The following GPC6 variants were observed in gnomAD, a reference collection of about 807,000 sequenced individuals.
The protein encoded by GPC6 is glypican 6.
GPC6 carries 14 observed loss-of-function variants against 55.2 expected under a neutral mutation model. The ratio of observed to expected loss-of-function variants is 0.25; its 90% CI spans 0.17 to 0.40. The LOEUF (loss-of-function observed/expected upper bound fraction) is 0.40. Ranked by LOEUF, GPC6 falls within the 10% of genes least tolerant of loss-of-function variation. The pLI, the probability that GPC6 is intolerant of heterozygous loss-of-function variation, is 1.00. For missense variants in GPC6, 641 were observed against 708.5 expected (o/e 0.90, Z 1.08); for synonymous variants, 278 against 259.6 (o/e 1.07, Z -0.68).
chr13:93,622,519 C>A (rs1879002543), intron 2 of GPC6, among the ~76,000 whole-genome samples: 1 of 152,180 alleles, frequency 6.6e-6, no homozygotes, highest in Admixed American at 6.5e-5. Context: ...CCCACACAGA[C>A]TTTTCCTCTT....
intron 2 of GPC6, among the ~76,000 whole-genome samples, chr13:93,566,026 G>A (rs1260477589): frequency 6.6e-6 from 1 of 152,034 alleles, no homozygotes; most frequent in African/African-American, 2.4e-5. Context: ...TATAGTGAGT[G>A]AATTACCTTT....
chr13:93,874,672 C>T (rs1014977902), intron 3 of GPC6, among the ~76,000 whole-genome samples: 1 of 150,914 alleles, frequency 6.6e-6, no homozygotes, highest in African/African-American at 2.4e-5. Flanking sequence ...ACTAGATAGA[C>T]TCTGATTCTG....
At position 94,072,542 on chromosome 13, in the gene GPC6, C is replaced by T. The variant is rs563822997; in HGVS notation, c.877+44648C>T. Among the ~76,000 whole-genome samples, 82 of 152,230 alleles carry T rather than the reference C, an allele frequency of 5.4e-4. No individual in the cohort carries two copies. The Middle Eastern group carries it at 0.01, about 19-fold the overall frequency. On this transcript the variant is annotated intron_variant, in intron 4 of 8. Coordinates refer to ENST00000377047, the MANE Select transcript of GPC6 (RefSeq NM_005708.5). ...CTAATTTTTGTATTCTTAGTAGAGA[C>T]GGGGTTTCACCATGTTGGCAAGAAT...
chr13:93,380,771 C>A (rs1407553910), intron 1 of GPC6, among the ~76,000 whole-genome samples: 2 of 152,040 alleles, frequency 1.3e-5, no homozygotes, highest in Non-Finnish European at 2.9e-5. Context: ...TGTCCTGTTC[C>A]CTCTTTATGT....
chr13:93,698,811 CCTCTTTCCTCCT>C (rs1339403937), intron 2 of GPC6, among the ~76,000 whole-genome samples: 1 of 151,916 alleles, frequency 6.6e-6, no homozygotes, highest in Non-Finnish European at 1.5e-5. Flanking sequence ...TCTCTCCTCC[CCTCTTTCCTCCT>C]CCTTCTTCCT....
chr13:93,866,362 A>G (rs576209663), intron 3 of GPC6, among the ~76,000 whole-genome samples: 15 of 151,872 alleles, frequency 9.9e-5, no homozygotes, highest in African/African-American at 3.6e-4. Flanking sequence ...GTCCAGAAAC[A>G]TGTATCTTTA....
chr13:94,384,342 C>T (rs998036014), intron 7 of GPC6, among the ~76,000 whole-genome samples: 1 of 152,280 alleles, frequency 6.6e-6, no homozygotes, highest in African/African-American at 2.4e-5. Context: ...TGTATTTTCC[C>T]GATGACTGTA....
chr13:93,662,483 TA>T (rs1880963763), intron 2 of GPC6, among the ~76,000 whole-genome samples: 1 of 151,852 alleles, frequency 6.6e-6, no homozygotes, highest in Admixed American at 6.6e-5. Context: ...ATACAAAAAG[TA>T]GCTGGGTGTG....
intron 6 of GPC6, among the ~76,000 whole-genome samples, chr13:94,371,576 G>T (rs940369056): frequency 3.3e-5 from 5 of 152,126 alleles, no homozygotes; most frequent in African/African-American, 4.8e-5. Context: ...TCGAATGCAC[G>T]TGAGGGCCTC....
intron 2 of GPC6, among the ~76,000 whole-genome samples, chr13:93,567,220 C>T (rs1310285422): frequency 1.3e-5 from 2 of 152,094 alleles, no homozygotes; most frequent in Non-Finnish European, 2.9e-5. Context: ...ACAATATGTG[C>T]TGTAATAGAC....
chr13:94,187,400 G>A (rs1889237036), intron 4 of GPC6: 1 of 152,182 alleles, frequency 6.6e-6, no homozygotes, highest in Admixed American at 6.5e-5. Context: ...AGAACGATGA[G>A]TCAGAAGGTA....
At chr13:94,385,615 C>T (rs891688869) in intron 7 of GPC6, among the ~76,000 whole-genome samples, 3 of 151,596 alleles carry the variant, frequency 2.0e-5, no homozygotes, top group African/African-American at 7.3e-5. Context: ...ATTACAATTC[C>T]ATGGTTTCCT....
intron 2 of GPC6, among the ~76,000 whole-genome samples, chr13:93,791,309 C>T (rs559341481): frequency 2.6e-5 from 4 of 152,290 alleles, no homozygotes; most frequent in Admixed American, 2.0e-4. Context: ...TAAAAAACTG[C>T]AGTGCAAGAA....
chr13:93,580,576 G>A (rs992687729), intron 2 of GPC6, among the ~76,000 whole-genome samples: 5 of 152,002 alleles, frequency 3.3e-5, no homozygotes, highest in Admixed American at 2.6e-4. Context: ...CACGTGCTAT[G>A]GATACATCTG....
chr13:93,521,929 A>T (rs976214010), intron 1 of GPC6, among the ~76,000 whole-genome samples: 1 of 152,006 alleles, frequency 6.6e-6, no homozygotes, highest in Non-Finnish European at 1.5e-5. Context: ...CTAATTTGTT[A>T]ATCTTTTCTA....
intron 1 of GPC6, among the ~76,000 whole-genome samples, chr13:93,303,325 G>A (rs1878743223): frequency 6.6e-6 from 1 of 152,112 alleles, no homozygotes; most frequent in Non-Finnish European, 1.5e-5. Flanking sequence ...TCGGACTTTG[G>A]TTTCCTTAAG....
chr13:93,826,093 C>G (rs938290945), intron 2 of GPC6, among the ~76,000 whole-genome samples: 1 of 151,928 alleles, frequency 6.6e-6, no homozygotes. Context: ...CTCCTGACCT[C>G]AGGTGATCTG....
chr13:94,354,638 C>A (rs189277317), intron 6 of GPC6, among the ~76,000 whole-genome samples: 1 of 152,200 alleles, frequency 6.6e-6, no homozygotes, highest in Admixed American at 6.5e-5. Context: ...CCCTGCTATT[C>A]GGTAAGCTCT....
chr13:94,256,882 T>A (rs527593336), intron 4 of GPC6, among the ~76,000 whole-genome samples: 1 of 152,338 alleles, frequency 6.6e-6, no homozygotes, highest in East Asian at 1.9e-4. Context: ...AAATTTCTTT[T>A]TTCCTTTGTG....
Sources: gnomAD v4.1 joint callset for allele counts (sites outside exome capture counted in the v4.1 genomes callset) on GRCh38, gnomAD v4.1.1 for gene constraint, MANE v1.5 for transcripts, NCBI Gene and HGNC (gene_info 2026-07-23, HGNC 2026-07-21) for gene names.